TENT2: variants seen among roughly 807,000 people sequenced by gnomAD.
TENT2 encodes the protein poly(A) RNA polymerase GLD2.
TENT2 carries 44 observed loss-of-function variants against 72.2 expected under a neutral mutation model. The observed-to-expected ratio is 0.61, with a 90% CI of 0.48 to 0.78. TENT2 has a LOEUF of 0.78. Ranked by LOEUF, TENT2 falls within the 30% of genes least tolerant of loss-of-function variation. The pLI is 0.00. For missense variants in TENT2, 541 were observed against 569.6 expected (o/e 0.95, Z 0.51); for synonymous variants, 212 against 192.5 (o/e 1.10, Z -0.84).
At chr5:79,683,353 C>G (rs1823676409) in intron 14 of TENT2, among the ~76,000 whole-genome samples, 1 of 151,604 alleles carries the variant, frequency 6.6e-6, no homozygotes, top group Non-Finnish European at 1.5e-5. Flanking sequence ...CCCACCTCAC[C>G]TCACCCCACC....
At chr5:79,651,297 C>T (rs1793798800) in intron 10 of TENT2, among the ~76,000 whole-genome samples, 1 of 151,516 alleles carries the variant, frequency 6.6e-6, no homozygotes, top group African/African-American at 2.4e-5. Context: ...CTTTTTTCCT[C>T]TACAAAAACA....
intron 8 of TENT2, among the ~76,000 whole-genome samples, chr5:79,646,317 G>A (rs533496791): frequency 5.9e-5 from 9 of 152,240 alleles, no homozygotes; most frequent in African/African-American, 1.9e-4. Flanking sequence ...TAAATACAAT[G>A]TCTTCAAATA....
intron 1 of TENT2, among the ~76,000 whole-genome samples, chr5:79,615,451 TC>T (rs1215003876): frequency 2.0e-5 from 3 of 152,250 alleles, no homozygotes; most frequent in Non-Finnish European, 2.9e-5. Flanking sequence ...TTCTAGTTTT[TC>T]TGAATACATA....
chr5:79,637,127 G>T lies in TENT2; in HGVS notation c.466-3724G>T, dbSNP rs141409913. Reference sequence around the variant, plus strand: ...TGCACACCTTTAGTCCCAGCTACTTGCAGGGCTGAGATGGGAGGATTGCTT... The same window carrying T: ...TGCACACCTTTAGTCCCAGCTACTTTCAGGGCTGAGATGGGAGGATTGCTT... On this transcript the variant is annotated intron_variant, in intron 4 of 14. Transcript: ENST00000453514. Among the ~76,000 whole-genome samples the T allele has an allele frequency of 2.6e-3, 391 of 152,158 alleles. 2 individuals are homozygous for T. Among genetic ancestry groups the T allele is most frequent in the African/African-American group, 9.1e-3 (376 of 41,524 alleles).
chr5:79,653,303 A>G (rs1042603921), intron 10 of TENT2, among the ~76,000 whole-genome samples: 19 of 151,992 alleles, frequency 1.3e-4, no homozygotes, highest in African/African-American at 4.6e-4. Context: ...TGAGCAATAT[A>G]GTGAGACTCC....
intron 12 of TENT2, among the ~76,000 whole-genome samples, chr5:79,670,368 AG>A (rs1477881602): frequency 6.6e-6 from 1 of 151,828 alleles, no homozygotes; most frequent in Admixed American, 6.6e-5. Flanking sequence ...TGTGTTGCCC[AG>A]GCTGGAGTGC....
intron 11 of TENT2, among the ~76,000 whole-genome samples, chr5:79,666,187 C>T (rs1168082425): frequency 1.3e-5 from 2 of 151,668 alleles, no homozygotes; most frequent in Non-Finnish European, 2.9e-5. Context: ...CGGGGTTTCA[C>T]CGTGTTGGCC....
intron 1 of TENT2, among the ~76,000 whole-genome samples, chr5:79,618,356 A>T (rs1190440361): frequency 6.6e-6 from 1 of 151,880 alleles, no homozygotes; most frequent in Non-Finnish European, 1.5e-5. Flanking sequence ...CCTCCTGTGT[A>T]GCTGGGACCA....
chr5:79,642,937 A>T, intron 7 of TENT2, 27 bp downstream of exon 7: 1 of 1,602,746 alleles, frequency 6.2e-7, no homozygotes, highest in Non-Finnish European at 8.5e-7. Flanking sequence ...TCAAGTTTGT[A>T]TGTCACCTGA....
At chr5:79,684,316 C>T (rs1824866469) in intron 14 of TENT2, among the ~76,000 whole-genome samples, 1 of 152,160 alleles carries the variant, frequency 6.6e-6, no homozygotes, top group Admixed American at 6.5e-5. Context: ...CAGGGTCTTG[C>T]TCTGTTACCC....
At position 79,642,820 on chromosome 5, in the gene TENT2, T is replaced by G; in HGVS notation, c.673-12T>G. The G allele has an allele frequency of 6.3e-7, 1 of 1,598,930 alleles. No homozygotes were observed. Among genetic ancestry groups the G allele is most frequent in the Non-Finnish European group, 8.5e-7 (1 of 1,171,414 alleles). Reference sequence around the variant, plus strand: ...AAGATAATGAAAAAACACTTTATTTTTAACTTTTCAGTGTTTTTTTCAGGT... The same window carrying G: ...AAGATAATGAAAAAACACTTTATTTGTAACTTTTCAGTGTTTTTTTCAGGT... On this transcript the variant is annotated splice_polypyrimidine_tract_variant and intron_variant, in intron 6 of 14. Coordinates refer to ENST00000453514, the MANE Select transcript of TENT2 (RefSeq NM_001114394.3).
At chr5:79,615,626 CAAGAA>C in intron 1 of TENT2, among the ~76,000 whole-genome samples, 1 of 151,830 alleles carries the variant, frequency 6.6e-6, no homozygotes, top group African/African-American at 2.4e-5. Flanking sequence ...TAAAAAAGGC[CAAGAA>C]GGAGTGTGAG....
chr5:79,667,334 CT>C (rs1159405853), intron 11 of TENT2, among the ~76,000 whole-genome samples: 5 of 152,058 alleles, frequency 3.3e-5, no homozygotes, highest in African/African-American at 1.2e-4. Flanking sequence ...TACATTATAC[CT>C]TTTGTTTGAT....
At chr5:79,649,887 A>G (rs1282097016) in intron 10 of TENT2, among the ~76,000 whole-genome samples, 2 of 152,164 alleles carry the variant, frequency 1.3e-5, no homozygotes, top group African/African-American at 4.8e-5. Context: ...TTACATATGT[A>G]GCAATCCAAG....
At position 79,686,277 on chromosome 5, in the gene TENT2, TG is replaced by T. The variant is rs1306587426; in HGVS notation, c.*1005del. On this transcript the variant is annotated 3_prime_UTR_variant, in exon 15 of 15. Coordinates refer to ENST00000453514, the MANE Select transcript of TENT2 (RefSeq NM_001114394.3). The stretch of plus-strand genomic sequence containing the variant: ...TTATTATAAATAAAAGCTTAATGTT[TG>T]TAAAAAATCTCTTTTTTAGTATTTC... The T allele has an allele frequency of 2.0e-5, 3 of 152,440 alleles. No homozygotes were observed. The highest frequency in any genetic ancestry group is 2.0e-4 in the Admixed American group (3 of 15,278). The allele number at this position is 152,440 out of a possible 1,614,324, so 9.4% of individuals were successfully genotyped here.
At position 79,669,022 on chromosome 5, in the gene TENT2, A is replaced by C; in HGVS notation, c.1202A>C (p.Glu401Ala). ...GGCTTTCTTAAATATTATGCTACAG[A>C]ATTTGAGTAAGTAAAACTTTAAATT... ...LLGFLKYYAT[E>A]FDWNSQMISV... Residue 401 changes from glutamate to alanine, a missense_variant, in exon 12 of 15, where the codon GAA becomes GCA. By Grantham distance (107) the Glu-to-Ala change is moderately radical. Transcript: ENST00000453514. 1 of 1,613,518 alleles carries C rather than the reference A, an allele frequency of 6.2e-7. No individual in the cohort carries two copies. The highest frequency in any genetic ancestry group is 8.5e-7 in the Non-Finnish European group (1 of 1,179,726).
intron 6 of TENT2, 52 bp downstream of exon 6, chr5:79,641,248 G>A (rs767368111): frequency 2.2e-4 from 316 of 1,428,318 alleles, no homozygotes; most frequent in Non-Finnish European, 2.8e-4. Flanking sequence ...AATGAGTTAA[G>A]AAATTTTACA....
chr5:79,668,804 C>G, intron 11 of TENT2, 88 bp from the exon 12 acceptor site: 1 of 1,407,442 alleles, frequency 7.1e-7, no homozygotes, highest in Non-Finnish European at 9.5e-7. Flanking sequence ...CTCTCTTTTT[C>G]AAAGAGGAGC....
At chr5:79,665,859 A>G (rs1807224358) in intron 11 of TENT2, among the ~76,000 whole-genome samples, 1 of 151,794 alleles carries the variant, frequency 6.6e-6, no homozygotes, top group South Asian at 2.1e-4. Context: ...GTTGTTCTTT[A>G]TGTACTTTCT....
Sources: allele counts gnomAD v4.1 joint callset (sites outside exome capture counted in the v4.1 genomes callset), GRCh38; gene constraint gnomAD v4.1.1; transcripts MANE v1.5; gene names NCBI Gene and HGNC (gene_info 2026-07-23, HGNC 2026-07-21).